Variants in DNAJC9 observed in about 807,000 individuals in gnomAD.
DNAJC9 encodes dnaJ homolog subfamily C member 9.
In DNAJC9, 18 loss-of-function variants were observed where a neutral mutation model predicts 32.4. That is an observed-to-expected ratio of 0.56 (90% CI 0.38 to 0.82). DNAJC9 has a LOEUF of 0.82. DNAJC9 is among the 40% of genes least tolerant of loss of function. DNAJC9 has a pLI of 0.00. For missense variants in DNAJC9, 310 were observed against 321.8 expected (o/e 0.96, Z 0.28); for synonymous variants, 113 against 122.1 (o/e 0.93, Z 0.49).
chr10:73,245,744 T>A (rs941041744), intron 3 of DNAJC9, among the ~76,000 whole-genome samples, 178 bp downstream of exon 3: 1 of 152,212 alleles, frequency 6.6e-6, no homozygotes, highest in Non-Finnish European at 1.5e-5. Flanking sequence ...GAGCACAACA[T>A]GCTAGAAAAA....
chr10:73,241,344 AG>A (rs145018364), downstream of DNAJC9: 1,702 of 318,504 alleles, frequency 5.3e-3, 28 homozygotes, highest in African/African-American at 0.03. Flanking sequence ...TCAATCATAT[AG>A]GATTTGATGA....
chr10:73,245,773 G>A (rs2043999847), intron 3 of DNAJC9, 149 bp downstream of exon 3: 8 of 889,864 alleles, frequency 9.0e-6, no homozygotes, highest in East Asian at 8.0e-5. Flanking sequence ...TGATGAACTG[G>A]TATGCCCATT....
chr10:73,235,137 A>G (rs2043793691), downstream of DNAJC9: 2 of 1,533,240 alleles, frequency 1.3e-6, no homozygotes, highest in South Asian at 1.2e-5. Flanking sequence ...GGTTTTAACT[A>G]CATACCACAT....
intron 3 of DNAJC9, chr10:73,244,266 T>TATG: frequency 1.3e-5 from 3 of 227,012 alleles, no homozygotes; most frequent in Admixed American, 5.5e-5. Flanking sequence ...GAGGCCAAGG[T>TATG]GGGAGGATCA....
At position 73,243,411 on chromosome 10, in the gene DNAJC9, C is replaced by T. The variant is rs1429044986; in HGVS notation, c.772G>A (p.Glu258Lys). 2 of 1,613,766 alleles carry T rather than the reference C, an allele frequency of 1.2e-6. No individual in the cohort carries two copies. Among genetic ancestry groups the T allele is most frequent in the Non-Finnish European group, 1.7e-6 (2 of 1,179,920 alleles). The change falls in exon 5 of 5, where the codon GAA (glutamate) becomes AAA (lysine). Residue 258 changes from glutamate (E) to lysine (K), a missense_variant. Coordinates refer to ENST00000372950, the MANE Select transcript of DNAJC9 (RefSeq NM_015190.5). ...GGGKKSALKK[E>K]KK ...AGAGAAAAATTCCATTATTTCTTTTCTTTCTTGAGAGCAGATTTTTTCCCT... is the reference window on the plus strand; with the variant it reads ...AGAGAAAAATTCCATTATTTCTTTTTTTTCTTGAGAGCAGATTTTTTCCCT...
In DNAJC9 at chr10:73,247,220, A is replaced by T. The variant is rs1328005871; in HGVS notation, c.-31T>A. ...GCGGAGATACGACCCCGGAGGAAGC[A>T]GCCGCTCCCAGCTGCGCCGGGTACA... On this transcript the variant is annotated 5_prime_UTR_variant, in exon 1 of 5. Coordinates refer to ENST00000372950, the MANE Select transcript of DNAJC9 (RefSeq NM_015190.5). 1 of 1,570,234 alleles carries T rather than the reference A, an allele frequency of 6.4e-7. No individual in the cohort carries two copies. The highest frequency in any genetic ancestry group is 1.2e-5 in the South Asian group (1 of 86,076).
downstream of DNAJC9, chr10:73,235,598 T>C (rs1223241461): frequency 2.1e-6 from 1 of 466,198 alleles, no homozygotes; most frequent in African/African-American, 2.0e-5. Context: ...CCAGTACACA[T>C]CAGATAAGCA....
chr10:73,240,687 T>TG (rs369444900), downstream of DNAJC9, among the ~76,000 whole-genome samples: 24 of 142,646 alleles, frequency 1.7e-4, no homozygotes, highest in African/African-American at 6.4e-4. Flanking sequence ...ACCTCCAGCC[T>TG]GGGGGGACAG....
Position 73,246,959 on chromosome 10 carries a change from C to T in DNAJC9, c.180+51G>A, listed in dbSNP as rs964275586. On this transcript the variant is annotated intron_variant, in intron 1 of 4. Transcript: ENST00000372950. ...GGGGCGGGGCCCGGTAGCCAAAAGG[C>T]TAGGGGGAGGCCCGCGCAGCCGGTC... 3.8e-6 allele frequency: 6 copies of T among 1,558,550 alleles called. No individual in the cohort carries two copies. The Admixed American group carries it at 5.6e-5, about 15-fold the overall frequency.
downstream of DNAJC9, among the ~76,000 whole-genome samples, chr10:73,237,085 T>A (rs1317934178): frequency 6.6e-6 from 1 of 152,144 alleles, no homozygotes; most frequent in Non-Finnish European, 1.5e-5. Context: ...AAGATACCAG[T>A]CGCTGAATTT....
chr10:73,235,078 G>T, downstream of DNAJC9: 1 of 1,446,970 alleles, frequency 6.9e-7, no homozygotes, highest in Non-Finnish European at 9.4e-7. Context: ...TTATGACGTG[G>T]AATTGGAGCT....
At chr10:73,244,129 C>T (rs1589204658) in intron 3 of DNAJC9, 200 bp from the exon 4 acceptor site, 1 of 566,270 alleles carries the variant, frequency 1.8e-6, no homozygotes. Flanking sequence ...TTCCAATTAC[C>T]ATTTGTTTTT....
chr10:73,239,925 A>C (rs2043903637), downstream of DNAJC9, among the ~76,000 whole-genome samples: 5 of 152,158 alleles, frequency 3.3e-5, no homozygotes, highest in Admixed American at 3.3e-4. Context: ...GATGGGAGAA[A>C]ATTGAGGGAT....
At position 73,246,000 on chromosome 10, in the gene DNAJC9, A is replaced by T; in HGVS notation, c.498T>A (p.Ala166=). 1 of 1,613,720 alleles carries T rather than the reference A, an allele frequency of 6.2e-7. No homozygotes were observed. The highest frequency in any genetic ancestry group is 1.7e-4 in the Middle Eastern group (1 of 6,056). Reference sequence around the variant, plus strand: ...AGGATGGGACCTCTCCGGCGTCAATAGCTTGCTGAATGATATTCCTTATCC... The same window carrying T: ...AGGATGGGACCTCTCCGGCGTCAATTGCTTGCTGAATGATATTCCTTATCC... The part of the protein sequence containing the change: ...EPRIRNIIQQ[A]IDAGEVPSYN... Residue 166 remains alanine, a synonymous_variant, in exon 3 of 5, where the codon GCT becomes GCA. Transcript: ENST00000372950.
chr10:73,242,137 CATTAA>C lies in DNAJC9; in HGVS notation c.*1258_*1262del, dbSNP rs1417618764. 4 of 152,128 alleles carry C rather than the reference CATTAA, an allele frequency of 2.6e-5. No individual in the cohort carries two copies. The highest frequency in any genetic ancestry group is 1.9e-4 in the East Asian group (1 of 5,204). 9.4% of individuals were successfully genotyped at this position (152,128 alleles called of 1,614,324 possible). On this transcript the variant is annotated 3_prime_UTR_variant, in exon 5 of 5. Transcript: ENST00000372950. ...GAAGACAGATGCTTCAAACAACCTG[CATTAA>C]ATTATATTTTTAATAAAATTAAAAT...
downstream of DNAJC9, among the ~76,000 whole-genome samples, chr10:73,237,762 A>T (rs2043853518): frequency 6.6e-6 from 1 of 151,506 alleles, no homozygotes; most frequent in Non-Finnish European, 1.5e-5. Flanking sequence ...ATCTCGCTAC[A>T]TCACCCAGGC....
rs896574898 is a variant in DNAJC9 at position 73,243,452 on chromosome 10, T to G, written c.731A>C (p.Lys244Thr). 1 of 1,613,996 alleles carries G rather than the reference T, an allele frequency of 6.2e-7. No homozygotes were observed. The highest frequency in any genetic ancestry group is 8.5e-7 in the Non-Finnish European group (1 of 1,179,886). Residue 244 changes from lysine (K) to threonine (T), a missense_variant, in exon 5 of 5, where the codon AAA becomes ACA. Coordinates refer to ENST00000372950, the MANE Select transcript of DNAJC9 (RefSeq NM_015190.5). The part of the protein sequence containing the change: ...FLAQMEAKYC[K>T]SSKGGGKKSA... ...TTTTTTCCCTCCTCCTTTGGAAGAT[T>G]TGCAGTACTTTGCTTCCATCTGAGC...
downstream of DNAJC9, among the ~76,000 whole-genome samples, chr10:73,240,393 A>G (rs1368783621): frequency 6.6e-6 from 1 of 152,126 alleles, no homozygotes; most frequent in Non-Finnish European, 1.5e-5. Context: ...TCTGCATTTG[A>G]GCTACAATTT....
chr10:73,240,446 C>T (rs2043916064), downstream of DNAJC9, among the ~76,000 whole-genome samples: 2 of 152,182 alleles, frequency 1.3e-5, no homozygotes, highest in Admixed American at 6.5e-5. Flanking sequence ...GGCGTGGTGG[C>T]TCATGCCTGT....
Sources: allele counts gnomAD v4.1 joint callset (sites outside exome capture counted in the v4.1 genomes callset), GRCh38; gene constraint gnomAD v4.1.1; transcripts MANE v1.5; gene names NCBI Gene and HGNC (gene_info 2026-07-23, HGNC 2026-07-21).